Variants in MMP21 observed in about 807,000 individuals in gnomAD.
MMP21 encodes matrix metallopeptidase 21, also known as matrix metalloproteinase-21.
A neutral mutation model predicts 47.8 loss-of-function variants in MMP21; 40 were observed. That is an observed-to-expected ratio of 0.84 (90% CI 0.65 to 1.09). The LOEUF is 1.09. MMP21 is among the 50% of genes least tolerant of loss of function. The pLI, the probability that MMP21 is intolerant of heterozygous loss-of-function variation, is 0.00. For missense variants in MMP21, 747 were observed against 775.3 expected (o/e 0.96, Z 0.43); for synonymous variants, 341 against 318.0 (o/e 1.07, Z -0.77).
rs2133784602 is a variant in MMP21, at chr10:125,774,171, G to C, written c.357C>G (p.Val119=). The C allele has an allele frequency of 5.5e-6, 7 of 1,275,620 alleles. No homozygotes were observed. In the South Asian group the frequency reaches 1.8e-4, roughly 33 times the overall value. The allele number at this position is 1,275,620 out of a possible 1,614,324, so 79.0% of individuals were successfully genotyped here. A position where few individuals can be genotyped will look rare whatever the true frequency, so the allele number is the denominator to read the frequency against. ...AGGGGGGCGGTGGGCGCATGTCCGG[G>C]ACCCCGCAGCGCGGCCGGTTCATGG... The part of the protein sequence containing the change: ...LAAMNRPRCG[V]PDMRPPPPSA... Residue 119 remains valine (V), a synonymous_variant, in exon 2 of 7, where the codon GTC becomes GTG. Coordinates refer to ENST00000368808, the MANE Select transcript of MMP21 (RefSeq NM_147191.1).
intron 1 of MMP21, among the ~76,000 whole-genome samples, chr10:125,775,030 G>A (rs772007755): frequency 3.3e-5 from 5 of 152,212 alleles, no homozygotes; most frequent in Non-Finnish European, 7.4e-5. Context: ...GGCCTCTGGG[G>A]CACTGTGGGA....
At chr10:125,771,170 G>A (rs879093906) in intron 4 of MMP21, among the ~76,000 whole-genome samples, 2 of 152,166 alleles carry the variant, frequency 1.3e-5, no homozygotes, top group South Asian at 4.1e-4. Flanking sequence ...ATCTCAGTTT[G>A]GTTGTGAAGT....
At chr10:125,774,439 T>A in intron 1 of MMP21, 74 bp from the exon 2 acceptor site, 1 of 1,082,210 alleles carries the variant, frequency 9.2e-7, no homozygotes, top group Non-Finnish European at 1.2e-6. Flanking sequence ...CCCCAAAGTC[T>A]AGAGAGACAG....
rs28381315 is a variant in MMP21 at position 125,768,348 on chromosome 10, A to G, written c.1238-644T>C. On this transcript the variant is annotated intron_variant, in intron 5 of 6. Coordinates refer to ENST00000368808, the MANE Select transcript of MMP21 (RefSeq NM_147191.1). Reference sequence around the variant, plus strand: ...AGCCAGGACTCTCAAATGCCACTCCAGAGAGGCTCCCCACTGTCCTGTGAA... The same window carrying G: ...AGCCAGGACTCTCAAATGCCACTCCGGAGAGGCTCCCCACTGTCCTGTGAA... Among the ~76,000 whole-genome samples the G allele has an allele frequency of 3.6e-3, 554 of 152,364 alleles. 1 individual carries two copies. The highest frequency in any genetic ancestry group is 0.01 in the Admixed American group (157 of 15,308).
rs1446004104 is a variant in MMP21 at position 125,772,290 on chromosome 10, G to T, written c.907C>A (p.Pro303Thr). Residue 303 changes from proline to threonine, a missense_variant, in exon 4 of 7, where the codon CCA (proline) becomes ACA (threonine). Transcript: ENST00000368808. The surrounding 1 kb of genome is among the most constrained non-coding windows in gnomAD (Gnocchi z 5.6). ...GCAGGCTCCTGGGGAATGTAATTTG[G>T]TTGCATTATGGATCCCGTCCTGTAG... ...HTYRTGSIMQ[P>T]NYIPQEPAFE... is the part of the protein sequence containing the mutation. 8 of 1,614,050 alleles carry T rather than the reference G, an allele frequency of 5.0e-6. No homozygotes were observed. The highest frequency in any genetic ancestry group is 1.1e-5 in the South Asian group (1 of 91,084).
Position 125,770,448 on chromosome 10 carries a change from G to A in MMP21, c.1123C>T (p.Arg375Cys), listed in dbSNP as rs138944733. The change falls in exon 5 of 7, where the codon CGC (arginine) becomes TGC (cysteine). Residue 375 changes from arginine (R) to cysteine (C), a missense_variant. Arg to Cys is a radical substitution (Grantham distance 180). Transcript: ENST00000368808. ...AGGATTTGGATAGGGTCCCCATAGC[G>A]TGTCCTATTGTTTCGATTTTCATAA... ...WLYENRNNRT[R>C]YGDPIQILTG... 8.7e-6 allele frequency: 14 copies of A among 1,614,036 alleles called. No individual in the cohort carries two copies. The highest frequency in any genetic ancestry group is 2.7e-5 in the African/African-American group (2 of 74,894).
rs145789868 is a variant in MMP21 at position 125,773,885 on chromosome 10, C to T, written c.643G>A (p.Glu215Lys). The T allele has an allele frequency of 1.7e-4, 275 of 1,576,958 alleles. No homozygotes were observed. The highest frequency in any genetic ancestry group is 2.1e-4 in the Non-Finnish European group (244 of 1,168,756). Reference protein sequence around the residue: ...WSEVTPLDFREDLAAPGAAVD... With the variant: ...WSEVTPLDFRKDLAAPGAAVD... ...GCGGCCCCGGGGGCGGCCAGGTCCT[C>T]GCGGAAGTCCAGCGGCGTCACCTCG... is the stretch of plus-strand genomic sequence containing the variant. Residue 215 changes from glutamate to lysine, a missense_variant, in exon 2 of 7, where the codon GAG (glutamate) becomes AAG (lysine). By Grantham distance (56) the Glu-to-Lys change is moderately conservative. Transcript: ENST00000368808. The surrounding 1 kb of genome is among the most constrained non-coding windows in gnomAD (Gnocchi z 4.8).
chr10:125,774,557 G>C (rs1850494766), intron 1 of MMP21, among the ~76,000 whole-genome samples, 192 bp from the exon 2 acceptor site: 1 of 152,240 alleles, frequency 6.6e-6, no homozygotes, highest in African/African-American at 2.4e-5. Flanking sequence ...GAGATACAGA[G>C]AGAGCGGCAG....
intron 5 of MMP21, among the ~76,000 whole-genome samples, chr10:125,769,247 C>G (rs987602678): frequency 1.3e-5 from 2 of 152,186 alleles, no homozygotes; most frequent in African/African-American, 2.4e-5. Context: ...CCAGACCTGC[C>G]TTTCTTGGTG....
rs1363777406 is a variant in MMP21, at chr10:125,770,474, A to C, written c.1097T>G (p.Leu366Arg). 6.2e-7 allele frequency: 1 copy of C among 1,614,194 alleles called. No individual in the cohort carries two copies. Among genetic ancestry groups the C allele is most frequent in the Admixed American group, 1.7e-5 (1 of 60,028 alleles). The change falls in exon 5 of 7, where the codon CTT becomes CGT. Residue 366 changes from leucine (L) to arginine (R), a missense_variant. By Grantham distance (102) the Leu-to-Arg change is moderately radical. Coordinates refer to ENST00000368808, the MANE Select transcript of MMP21 (RefSeq NM_147191.1). ...TGTCCTATTGTTTCGATTTTCATAA[A>C]GCCAGTACCAGCTGTTACGGAAGAA... ...TYFFRNSWYWLYENRNNRTRY... is the reference protein window; with the variant it reads ...TYFFRNSWYWRYENRNNRTRY...
chr10:125,767,049 C>A, intron 6 of MMP21, 88 bp from the exon 7 acceptor site: 1 of 1,058,262 alleles, frequency 9.4e-7, no homozygotes, highest in Non-Finnish European at 1.3e-6. Context: ...TAACTCAAGA[C>A]TTTGTACCAA....
At position 125,775,795 on chromosome 10, in the gene MMP21, C is replaced by T. The variant is rs138060220; in HGVS notation, c.27G>A (p.Pro9=). Residue 9 remains proline, a synonymous_variant, in exon 1 of 7, where the codon CCG becomes CCA. Coordinates refer to ENST00000368808, the MANE Select transcript of MMP21 (RefSeq NM_147191.1). The part of the protein sequence containing the change: MLAASIFR[P]TLLLCWLAAP... ...CAGCCAGCCAGCAGAGCAGCAGTGT[C>T]GGACGGAAGATGGAGGCGGCGAGCA... 1.9e-6 allele frequency: 3 copies of T among 1,611,708 alleles called. No homozygotes were observed. Among genetic ancestry groups the T allele is most frequent in the African/African-American group, 1.3e-5 (1 of 74,866 alleles).
chr10:125,769,886 A>G, intron 5 of MMP21, among the ~76,000 whole-genome samples: 1 of 152,144 alleles, frequency 6.6e-6, no homozygotes, highest in Non-Finnish European at 1.5e-5. Flanking sequence ...AGTGGTTCAC[A>G]CCTGTAATCC....
At chr10:125,767,139 GT>G (rs149560680) in intron 6 of MMP21, among the ~76,000 whole-genome samples, 178 bp from the exon 7 acceptor site, 200 of 146,648 alleles carry the variant, frequency 1.4e-3, no homozygotes, top group African/African-American at 4.7e-3. Flanking sequence ...CACGTTTTTT[GT>G]TTTTTTTTTG....
At position 125,766,843 on chromosome 10, in the gene MMP21, T is replaced by A. The variant is rs1850391647; in HGVS notation, c.1529A>T (p.Tyr510Phe). The change falls in exon 7 of 7, where the codon TAT (tyrosine) becomes TTT (phenylalanine). Residue 510 changes from tyrosine (Y) to phenylalanine (F), a missense_variant. Transcript: ENST00000368808. ...NHPFRNIDSA[Y>F]YSYAYNSIFF... ...AATGGAGTTGTATGCATAGGAGTAA[T>A]AAGCGGAATCTATATTTCTGAAAGG... The A allele has an allele frequency of 3.7e-6, 6 of 1,613,912 alleles. No homozygotes were observed. Among genetic ancestry groups the A allele is most frequent in the Non-Finnish European group, 3.4e-6 (4 of 1,179,934 alleles).
Position 125,772,807 on chromosome 10 carries a change from C to A in MMP21, c.698-57G>T. 1 of 1,587,616 alleles carries A rather than the reference C, an allele frequency of 6.3e-7. No homozygotes were observed. The highest frequency in any genetic ancestry group is 1.3e-5 in the African/African-American group (1 of 74,652). ...GAAGGATGAGTGCCCCCCATACAGA[C>A]TCCTCACCTAGGGGGTCCCCAGCCT... On this transcript the variant is annotated intron_variant, in intron 2 of 6. Transcript: ENST00000368808. This position sits in a 1 kb window ranked among gnomAD's most constrained non-coding sequence, Gnocchi z 5.6.
At chr10:125,769,559 ACT>A (rs1264797731) in intron 5 of MMP21, among the ~76,000 whole-genome samples, 1 of 150,998 alleles carries the variant, frequency 6.6e-6, no homozygotes, top group African/African-American at 2.4e-5. Flanking sequence ...GCCCTCATCC[ACT>A]CTCCATTCTG....
At chr10:125,774,406 C>T (rs1018513333) in intron 1 of MMP21, 41 bp from the exon 2 acceptor site, 30 of 1,298,098 alleles carry the variant, frequency 2.3e-5, no homozygotes, top group East Asian at 1.6e-4. Flanking sequence ...CCGCCTCGCT[C>T]GGGGCCCTCC....
intron 5 of MMP21, 86 bp from the exon 6 acceptor site, chr10:125,767,790 C>A: frequency 1.5e-6 from 2 of 1,330,006 alleles, no homozygotes; most frequent in South Asian, 1.3e-5. Flanking sequence ...AGGTCTCAGC[C>A]AATCCTGTAC....
Sources: gnomAD v4.1 joint callset for allele counts (sites outside exome capture counted in the v4.1 genomes callset) on GRCh38, gnomAD v4.1.1 for gene constraint, Gnocchi (gnomAD v3.1) non-coding constraint, MANE v1.5 for transcripts, NCBI Gene and HGNC (gene_info 2026-07-23, HGNC 2026-07-21) for gene names.